PCNX2: variants seen among roughly 807,000 people sequenced by gnomAD.
PCNX2 encodes the protein pecanex-like protein 2.
In PCNX2, 168 loss-of-function variants were observed where a neutral mutation model predicts 223.8. That is an observed-to-expected ratio of 0.75 (90% confidence interval 0.66 to 0.85). The LOEUF (loss-of-function observed/expected upper bound fraction) is 0.85, where lower values mean the gene tolerates loss of function less well. PCNX2 is among the 40% of genes least tolerant of loss of function. The probability of loss-of-function intolerance (pLI) is 0.00; values close to 1 mark genes in which losing one functional copy is unlikely to be tolerated. For missense variants in PCNX2, 2,507 were observed against 2,675.5 expected (o/e 0.94, Z 1.39); for synonymous variants, 1,006 against 1,052.6 (o/e 0.96, Z 0.86).
At chr1:233,054,133 A>G (rs1672105340) in intron 25 of PCNX2, 135 bp downstream of exon 25, 8 of 694,154 alleles carry the variant, frequency 1.2e-5, no homozygotes, top group Non-Finnish European at 2.0e-5. Flanking sequence ...ATATCAAGGT[A>G]GTGGTGGCAA....
At position 232,986,400 on chromosome 1, in the gene PCNX2, G is replaced by C. The variant is rs1461990202; in HGVS notation, c.5932C>G (p.Gln1978Glu). ...GAGAGCCGGCTGCCCGAGAGCCTCTGGGCCAGCTCGTGCACTGAGGTGGAC... is the reference window on the plus strand; with the variant it reads ...GAGAGCCGGCTGCCCGAGAGCCTCTCGGCCAGCTCGTGCACTGAGGTGGAC... ...QTSTSVHELAQRLSGSRLSLH... is the reference protein window; with the variant it reads ...QTSTSVHELAERLSGSRLSLH... The change falls in exon 33 of 34, where the codon CAG (glutamine) becomes GAG (glutamate). Residue 1978 changes from glutamine (Q) to glutamate (E), a missense_variant. By Grantham distance (29) the Gln-to-Glu change is conservative. Transcript: ENST00000258229. The C allele has an allele frequency of 1.2e-6, 2 of 1,604,766 alleles. No individual in the cohort carries two copies. The highest frequency in any genetic ancestry group is 1.7e-6 in the Non-Finnish European group (2 of 1,175,732).
intron 26 of PCNX2, among the ~76,000 whole-genome samples, chr1:233,024,482 G>A (rs11576708): frequency 0.13 from 19,216 of 152,108 alleles, 1,323 homozygotes; most frequent in African/African-American, 0.16. Context: ...TCTGCCACAC[G>A]GCTCTCGCCT....
rs200867900 is a variant in PCNX2, at chr1:233,001,521, T to TAAAA, written c.5097+12_5097+15dup. Reference sequence around the variant, plus strand: ...ATAAATAAATAAATAAATAAATAAATAAAATAGGTTTTTACCTGGTGAAGT... The same window carrying TAAAA: ...ATAAATAAATAAATAAATAAATAAATAAAAAAAATAGGTTTTTACCTGGTGAAGT... On this transcript the variant is annotated intron_variant, in intron 29 of 33. Transcript: ENST00000258229. The surrounding 1 kb of genome is among the most constrained non-coding windows in gnomAD (Gnocchi z 4.2). 4.3e-3 allele frequency: 4,364 copies of TAAAA among 1,021,304 alleles called. 15 individuals carry two copies. Among genetic ancestry groups the TAAAA allele is most frequent in the African/African-American group, 0.013 (658 of 48,806 alleles). The allele number at this position is 1,021,304 out of a possible 1,614,324, so 63.3% of individuals were successfully genotyped here. A position where few individuals can be genotyped will look rare whatever the true frequency, so the allele number is the denominator to read the frequency against.
intron 17 of PCNX2, among the ~76,000 whole-genome samples, chr1:233,165,373 A>C (rs372744772): frequency 3.6e-4 from 55 of 152,268 alleles, no homozygotes; most frequent in African/African-American, 1.3e-3. Flanking sequence ...GAAGGGAAGA[A>C]ATAATACTGC....
intron 32 of PCNX2, among the ~76,000 whole-genome samples, chr1:232,989,194 C>T (rs1669604760): frequency 6.6e-6 from 1 of 152,164 alleles, no homozygotes; most frequent in African/African-American, 2.4e-5. Flanking sequence ...GTGGCTCACG[C>T]CTGTAATCCC....
intron 4 of PCNX2, among the ~76,000 whole-genome samples, chr1:233,259,596 G>C (rs765803368): frequency 6.6e-6 from 1 of 152,118 alleles, no homozygotes; most frequent in Non-Finnish European, 1.5e-5. Flanking sequence ...CATGCATTAG[G>C]TATTTGTCCT....
intron 25 of PCNX2, among the ~76,000 whole-genome samples, chr1:233,031,359 T>C (rs1454597120): frequency 6.6e-5 from 10 of 152,222 alleles, no homozygotes; most frequent in Admixed American, 3.9e-4. Context: ...TTATTCACAG[T>C]GTCTGGTAAT....
At chr1:233,221,231 A>T (rs1657360394) in intron 10 of PCNX2, among the ~76,000 whole-genome samples, 1 of 152,172 alleles carries the variant, frequency 6.6e-6, no homozygotes, top group Non-Finnish European at 1.5e-5. Flanking sequence ...TATATTTGGC[A>T]AAAAGGAAAT....
chr1:233,024,059 T>C (rs928533980), intron 26 of PCNX2, among the ~76,000 whole-genome samples: 1 of 152,186 alleles, frequency 6.6e-6, no homozygotes, highest in Non-Finnish European at 1.5e-5. Context: ...ACCACAGGTA[T>C]GAACCCCATA....
Position 233,021,690 on chromosome 1 carries a change from C to A in PCNX2, c.4605+3456G>T, listed in dbSNP as rs549443355. Among the ~76,000 whole-genome samples the A allele has an allele frequency of 5.3e-5, 8 of 152,286 alleles. No homozygotes were observed. The South Asian group carries it at 1.2e-3, about 24-fold the overall frequency. On this transcript the variant is annotated intron_variant, in intron 26 of 33. Transcript: ENST00000258229. ...GCACTGCCTGCCTCTCCTAGCCCAC[C>A]TGCAACTCCCATTTTGCCTTCACTC...
the PCNX2 span, among the ~76,000 whole-genome samples, chr1:233,306,939 C>A: frequency 6.6e-6 from 1 of 152,058 alleles, no homozygotes; most frequent in Non-Finnish European, 1.5e-5. Context: ...TTTTTCTCTA[C>A]AAGTACTCTA....
In PCNX2 at chr1:233,139,163, T is replaced by A. The variant is rs1314272084; in HGVS notation, c.3659+551A>T. Among the ~76,000 whole-genome samples, 1 of 152,192 alleles carries A rather than the reference T, an allele frequency of 6.6e-6. No homozygotes were observed. Among genetic ancestry groups the A allele is most frequent in the Non-Finnish European group, 1.5e-5 (1 of 68,042 alleles). ...TGTAAATTCAGAATTAATTTTAATA[T>A]ATGAAACCAATAACTCGACTGTACA... is the stretch of plus-strand genomic sequence containing the variant. On this transcript the variant is annotated intron_variant, in intron 20 of 33. Coordinates refer to ENST00000258229, the MANE Select transcript of PCNX2 (RefSeq NM_014801.4). The surrounding 1 kb of genome is among the most constrained non-coding windows in gnomAD (Gnocchi z 4.4).
intron 13 of PCNX2, among the ~76,000 whole-genome samples, chr1:233,201,148 A>G (rs1681086495): frequency 6.7e-6 from 1 of 149,322 alleles, no homozygotes; most frequent in African/African-American, 2.5e-5. Context: ...AAAATTCACT[A>G]TGGAACAAAG....
At chr1:233,224,929 T>C (rs916483160) in intron 10 of PCNX2, among the ~76,000 whole-genome samples, 1 of 151,594 alleles carries the variant, frequency 6.6e-6, no homozygotes, top group African/African-American at 2.4e-5. Flanking sequence ...GAGGAGAACA[T>C]CACACACCGG....
At chr1:233,214,877 A>G (rs1682028799) in intron 12 of PCNX2, among the ~76,000 whole-genome samples, 2 of 152,212 alleles carry the variant, frequency 1.3e-5, no homozygotes, top group Admixed American at 6.5e-5. Flanking sequence ...AAATTGAAAT[A>G]CACAGTGTTA....
chr1:233,227,227 G>T lies in PCNX2; in HGVS notation c.2503C>A (p.Arg835=), dbSNP rs74147307. 2,204 of 1,611,262 alleles carry T rather than the reference G, an allele frequency of 1.4e-3. 22 individuals are homozygous for T. The African/African-American group carries it at 0.027, about 19-fold the overall frequency. ...GTGTGTGCATGCTCAGTGGCTTACC[G>T]ATCAAGTAATGCCAGCAAGGTCAGT... The part of the protein sequence containing the change: ...DRLTLLALLD[R]TEDIKENVLA... The change falls in exon 10 of 34, where the codon CGA becomes AGA. Residue 835 remains arginine, a splice_region_variant and synonymous_variant. Transcript: ENST00000258229.
chr1:233,129,929 C>T (rs1439780674), intron 21 of PCNX2, among the ~76,000 whole-genome samples: 1 of 152,212 alleles, frequency 6.6e-6, no homozygotes, highest in African/African-American at 2.4e-5. Flanking sequence ...TGTTCTTTCA[C>T]TCTTTGCAAT....
the PCNX2 span, among the ~76,000 whole-genome samples, chr1:233,308,387 A>G: frequency 1.3e-5 from 2 of 152,086 alleles, no homozygotes; most frequent in Admixed American, 1.3e-4. Context: ...TGAATCCAGG[A>G]GGCGGAGGTT....
chr1:233,044,702 CTT>C (rs1671766486), intron 25 of PCNX2, among the ~76,000 whole-genome samples: 1 of 151,330 alleles, frequency 6.6e-6, no homozygotes, highest in African/African-American at 2.4e-5. Flanking sequence ...GAGTTTCACT[CTT>C]GTCGCCCAGG....
Sources: gnomAD v4.1 joint callset for allele counts (sites outside exome capture counted in the v4.1 genomes callset) on GRCh38, gnomAD v4.1.1 for gene constraint, Gnocchi (gnomAD v3.1) non-coding constraint, MANE v1.5 for transcripts, NCBI Gene and HGNC (gene_info 2026-07-23, HGNC 2026-07-21) for gene names.